The following LPAR3 variants were observed in gnomAD, a reference collection of about 807,000 sequenced individuals.
LPAR3 encodes lysophosphatidic acid receptor 3, also known as LPA receptor 3.
LPAR3 carries 7 observed loss-of-function variants against 17.8 expected under a neutral mutation model. The observed-to-expected ratio is 0.39, with a 90% CI of 0.22 to 0.74. LPAR3 has a LOEUF of 0.74. LPAR3 is among the 30% of genes least tolerant of loss of function. LPAR3 has a pLI of 0.40. For synonymous variants in LPAR3, 179 were observed against 179.9 expected (o/e 0.99, Z 0.04); for missense variants, 391 against 453.4 (o/e 0.86, Z 1.25).
chr1:84,891,940 G>C (rs1048094116), intron 1 of LPAR3, among the ~76,000 whole-genome samples: 4 of 152,096 alleles, frequency 2.6e-5, no homozygotes, highest in Admixed American at 2.6e-4. Context: ...CTAGCCGGGC[G>C]CAGTGGCTCA....
chr1:84,837,868 G>C (rs1477613540), intron 2 of LPAR3, among the ~76,000 whole-genome samples: 1 of 152,148 alleles, frequency 6.6e-6, no homozygotes, highest in African/African-American at 2.4e-5. Context: ...CAGGGTATCT[G>C]TTATTTGGAG....
intron 2 of LPAR3, among the ~76,000 whole-genome samples, chr1:84,831,280 C>G (rs1303296656): frequency 6.6e-6 from 1 of 152,110 alleles, no homozygotes; most frequent in Non-Finnish European, 1.5e-5. Context: ...CTCCTGATAT[C>G]TCTTACACCT....
At chr1:84,865,069 A>T (rs1660011937) in intron 2 of LPAR3, among the ~76,000 whole-genome samples, 1 of 151,382 alleles carries the variant, frequency 6.6e-6, no homozygotes, top group Admixed American at 6.6e-5. Flanking sequence ...CCCTCACAAC[A>T]CTTTTTTAAA....
chr1:84,874,536 A>C (rs1660218776), intron 1 of LPAR3, among the ~76,000 whole-genome samples: 1 of 152,252 alleles, frequency 6.6e-6, no homozygotes, highest in Non-Finnish European at 1.5e-5. Flanking sequence ...TTCATTAAAC[A>C]GGAAAGCAAA....
chr1:84,838,244 TG>T (rs1312446355), intron 2 of LPAR3, among the ~76,000 whole-genome samples: 1 of 152,172 alleles, frequency 6.6e-6, no homozygotes, highest in Non-Finnish European at 1.5e-5. Flanking sequence ...CACTAGCCTC[TG>T]TGCATGAATG....
In LPAR3 at chr1:84,865,636, A is replaced by T; in HGVS notation, c.485T>A (p.Val162Asp). ...GAGGCAATTCCAGCCCAGTGTGGGG[A>T]CCGCCCCCATAAAAATGGCGATGGC... is the stretch of plus-strand genomic sequence containing the variant. ...VWAIAIFMGA[V>D]PTLGWNCLCN... The change falls in exon 2 of 3, where the codon GTC (valine) becomes GAC (aspartate). Residue 162 changes from valine to aspartate, a missense_variant. Coordinates refer to ENST00000370611, the MANE Select transcript of LPAR3 (RefSeq NM_012152.3). The T allele has an allele frequency of 6.2e-7, 1 of 1,614,036 alleles. No individual in the cohort carries two copies. The highest frequency in any genetic ancestry group is 8.5e-7 in the Non-Finnish European group (1 of 1,180,000).
intron 1 of LPAR3, among the ~76,000 whole-genome samples, chr1:84,880,111 C>G (rs1347876490): frequency 6.6e-6 from 1 of 152,134 alleles, no homozygotes; most frequent in East Asian, 1.9e-4. Context: ...GGGAGGATTG[C>G]CTGAGGTCGG....
chr1:84,815,444 T>C (rs1326425399), intron 2 of LPAR3, among the ~76,000 whole-genome samples: 2 of 152,220 alleles, frequency 1.3e-5, no homozygotes, highest in Admixed American at 6.5e-5. Flanking sequence ...CAAGCAAGTC[T>C]ATAGATGATA....
chr1:84,880,045 A>G (rs1024005514), intron 1 of LPAR3, among the ~76,000 whole-genome samples: 19 of 152,230 alleles, frequency 1.2e-4, no homozygotes, highest in Admixed American at 8.5e-4. Flanking sequence ...AAACATCACA[A>G]TGTGCTGGGT....
At chr1:84,843,343 GAA>G (rs1248299361) in intron 2 of LPAR3, among the ~76,000 whole-genome samples, 1 of 152,224 alleles carries the variant, frequency 6.6e-6, no homozygotes, top group Non-Finnish European at 1.5e-5. Context: ...CTTGGTAAGT[GAA>G]AGTTTCTCTT....
intron 2 of LPAR3, among the ~76,000 whole-genome samples, chr1:84,847,814 C>T (rs1257239299): frequency 6.6e-6 from 1 of 152,238 alleles, no homozygotes; most frequent in Non-Finnish European, 1.5e-5. Context: ...TCATTAACTG[C>T]TGCCAGGTTT....
intron 2 of LPAR3, among the ~76,000 whole-genome samples, chr1:84,862,893 C>T (rs1177483537): frequency 6.6e-6 from 1 of 152,202 alleles, no homozygotes; most frequent in African/African-American, 2.4e-5. Flanking sequence ...TCTGTGAAAC[C>T]ACAAAAGTTC....
intron 2 of LPAR3, among the ~76,000 whole-genome samples, chr1:84,816,183 G>A (rs1280998419): frequency 1.3e-5 from 2 of 152,192 alleles, no homozygotes; most frequent in African/African-American, 4.8e-5. Context: ...TTTGAAACAA[G>A]TGAAGGAACT....
intron 2 of LPAR3, among the ~76,000 whole-genome samples, chr1:84,842,883 A>G (rs1570875956): frequency 1.3e-5 from 2 of 152,162 alleles, no homozygotes; most frequent in East Asian, 3.9e-4. Flanking sequence ...GAGAGCAAAG[A>G]AGAAAAAAAA....
chr1:84,828,237 G>C (rs1299527113), intron 2 of LPAR3, among the ~76,000 whole-genome samples: 1 of 152,050 alleles, frequency 6.6e-6, no homozygotes, highest in Non-Finnish European at 1.5e-5. Flanking sequence ...TAAATAGTCA[G>C]CTTCTCCAAT....
chr1:84,848,864 G>A (rs943431786), intron 2 of LPAR3, among the ~76,000 whole-genome samples: 2 of 152,128 alleles, frequency 1.3e-5, no homozygotes. Flanking sequence ...AAGCAGTCAC[G>A]CAGATCCTAG....
chr1:84,892,192 G>A (rs1460777175), intron 1 of LPAR3, among the ~76,000 whole-genome samples: 3 of 151,216 alleles, frequency 2.0e-5, no homozygotes, highest in Non-Finnish European at 4.4e-5. Flanking sequence ...CAGCCCGGAT[G>A]ATAGTGCGAG....
At chr1:84,889,169 G>C (rs2102776229) in intron 1 of LPAR3, among the ~76,000 whole-genome samples, 1 of 152,224 alleles carries the variant, frequency 6.6e-6, no homozygotes, top group South Asian at 2.1e-4. Flanking sequence ...AACCCAGGAT[G>C]TCAGAACCTT....
chr1:84,826,632 G>C (rs542984426), intron 2 of LPAR3, among the ~76,000 whole-genome samples: 38 of 151,044 alleles, frequency 2.5e-4, no homozygotes, highest in Middle Eastern at 3.5e-3. Context: ...AAAAAAACAG[G>C]TTACAAAACA....
Sources: gnomAD v4.1 joint callset for allele counts (sites outside exome capture counted in the v4.1 genomes callset) on GRCh38, gnomAD v4.1.1 for gene constraint, MANE v1.5 for transcripts, NCBI Gene and HGNC (gene_info 2026-07-23, HGNC 2026-07-21) for gene names.